STRN3: variants seen among roughly 807,000 people sequenced by gnomAD.
STRN3 encodes the protein striatin-3.
In STRN3, 29 loss-of-function variants were observed where a neutral mutation model predicts 95.6. The ratio of observed to expected loss-of-function variants is 0.30; its 90% CI spans 0.23 to 0.41. The LOEUF (loss-of-function observed/expected upper bound fraction) is 0.41, where lower values mean the gene tolerates loss of function less well. Among genes scored for constraint, STRN3 ranks in the 10% least tolerant of loss-of-function variants. The pLI, the probability that STRN3 is intolerant of heterozygous loss-of-function variation, is 1.00. For synonymous variants in STRN3, 331 were observed against 357.6 expected (o/e 0.93, Z 0.84); for missense variants, 890 against 972.1 (o/e 0.92, Z 1.12).
chr14:30,932,741 G>GAAATAATGCCATTCCAA (rs1354116073), intron 7 of STRN3, among the ~76,000 whole-genome samples: 1 of 152,086 alleles, frequency 6.6e-6, no homozygotes, highest in African/African-American at 2.4e-5. Flanking sequence ...TATTATCAAA[G>GAAATAATGCCATTCCAA]AAATAATGCC....
rs1387104946 is a variant in STRN3 at position 31,004,786 on chromosome 14, T to TC, written c.282+21117_282+21118insG. On this transcript the variant is annotated intron_variant, in intron 1 of 17. Transcript: ENST00000357479. Reference sequence around the variant, plus strand: ...GAAACTCCGTATTGAAAAAAAAAATTTTTTTTTTTTAAATCTTGGGGGAAA... The same window carrying TC: ...GAAACTCCGTATTGAAAAAAAAAATTCTTTTTTTTTTAAATCTTGGGGGAAA... 2.0e-5 allele frequency among the ~76,000 whole-genome samples: 3 copies of TC among 150,748 alleles called. No individual in the cohort carries two copies. The East Asian group carries it at 5.9e-4, about 29-fold the overall frequency.
chr14:31,002,714 T>C (rs978544661), intron 1 of STRN3, among the ~76,000 whole-genome samples: 2 of 151,372 alleles, frequency 1.3e-5, no homozygotes, highest in African/African-American at 4.8e-5. Context: ...GACACAATGC[T>C]AAGGGAAATA....
chr14:30,945,340 G>A (rs564095541), intron 5 of STRN3, among the ~76,000 whole-genome samples: 144 of 152,130 alleles, frequency 9.5e-4, no homozygotes, highest in African/African-American at 1.6e-3. Flanking sequence ...AATGAAGGCC[G>A]GGTGTGATGG....
At chr14:30,977,117 T>C (rs1005776991) in intron 1 of STRN3, among the ~76,000 whole-genome samples, 11 of 152,182 alleles carry the variant, frequency 7.2e-5, no homozygotes, top group Admixed American at 2.0e-4. Context: ...TCCCATCTAC[T>C]TGGGAGGCCG....
At chr14:30,907,137 A>G (rs1896483806) in intron 13 of STRN3, 93 bp from the exon 14 acceptor site, 4 of 1,399,228 alleles carry the variant, frequency 2.9e-6, no homozygotes, top group Non-Finnish European at 3.9e-6. Context: ...ACTGAGCATA[A>G]AGAACACACA....
chr14:30,911,295 C>A (rs1029862194), intron 12 of STRN3, 133 bp from the exon 13 acceptor site: 214 of 453,274 alleles, frequency 4.7e-4, no homozygotes, highest in Non-Finnish European at 6.8e-4. Context: ...CTGACTGGTA[C>A]TTTTTTTTTT....
intron 16 of STRN3, among the ~76,000 whole-genome samples, chr14:30,898,049 T>G (rs368887291): frequency 2.5e-4 from 38 of 152,296 alleles, no homozygotes; most frequent in African/African-American, 8.2e-4. Context: ...CAGAGTACAG[T>G]GGCACCATCA....
intron 1 of STRN3, among the ~76,000 whole-genome samples, chr14:30,963,130 C>A (rs1421412381): frequency 1.3e-5 from 2 of 152,170 alleles, no homozygotes; most frequent in Admixed American, 1.3e-4. Flanking sequence ...AACACACACA[C>A]ACCTAGTAAC....
intron 1 of STRN3, among the ~76,000 whole-genome samples, chr14:30,971,338 A>T (rs979329420): frequency 2.0e-5 from 3 of 152,244 alleles, no homozygotes; most frequent in Admixed American, 1.3e-4. Context: ...AGCCCCTTAT[A>T]GGTCTTTCAA....
At chr14:30,943,659 A>G (rs965886112) in intron 5 of STRN3, among the ~76,000 whole-genome samples, 1 of 152,232 alleles carries the variant, frequency 6.6e-6, no homozygotes, top group Non-Finnish European at 1.5e-5. Flanking sequence ...GTAAAGAAAT[A>G]AAGAAAATGC....
At chr14:30,970,426 C>T (rs1043858273) in intron 1 of STRN3, among the ~76,000 whole-genome samples, 3 of 152,158 alleles carry the variant, frequency 2.0e-5, no homozygotes, top group Non-Finnish European at 2.9e-5. Context: ...TTCCTAAAAC[C>T]ATACATTCAT....
intron 1 of STRN3, among the ~76,000 whole-genome samples, chr14:30,972,695 C>T (rs1328463500): frequency 6.6e-6 from 1 of 151,950 alleles, no homozygotes; most frequent in African/African-American, 2.4e-5. Flanking sequence ...GTAGTCCCAG[C>T]TACTTGGGAG....
intron 1 of STRN3, among the ~76,000 whole-genome samples, chr14:30,968,567 C>A (rs1594514480): frequency 2.0e-5 from 3 of 151,856 alleles, no homozygotes; most frequent in African/African-American, 7.2e-5. Context: ...GTAGCCCCAC[C>A]TACTCAGGAG....
chr14:30,981,567 G>A (rs1212398658), intron 1 of STRN3, among the ~76,000 whole-genome samples: 2 of 108,000 alleles, frequency 1.9e-5, no homozygotes, highest in Non-Finnish European at 3.9e-5. Context: ...TCACAAGGTA[G>A]CTTAGAATTC....
At chr14:30,991,814 T>C (rs975622389) in intron 1 of STRN3, among the ~76,000 whole-genome samples, 2 of 151,874 alleles carry the variant, frequency 1.3e-5, no homozygotes, top group African/African-American at 2.4e-5. Flanking sequence ...GAAAATGTCA[T>C]TAAAGGTTGG....
At chr14:30,979,181 C>A (rs1881265063) in intron 1 of STRN3, among the ~76,000 whole-genome samples, 1 of 151,800 alleles carries the variant, frequency 6.6e-6, no homozygotes, top group African/African-American at 2.4e-5. Flanking sequence ...TACCTTAGCA[C>A]CAAAAACCTT....
intron 1 of STRN3, among the ~76,000 whole-genome samples, chr14:30,985,335 G>A (rs1041812156): frequency 2.0e-5 from 3 of 150,860 alleles, no homozygotes; most frequent in African/African-American, 4.9e-5. Flanking sequence ...CAGGCGCGGT[G>A]GCTCACACCT....
At chr14:30,957,317 G>A (rs908076073) in intron 1 of STRN3, among the ~76,000 whole-genome samples, 1 of 151,882 alleles carries the variant, frequency 6.6e-6, no homozygotes, top group Non-Finnish European at 1.5e-5. Flanking sequence ...GCCAGGCGTA[G>A]TGGTGGGTGC....
chr14:30,896,303 T>C (rs1396642058), intron 16 of STRN3, among the ~76,000 whole-genome samples: 1 of 152,126 alleles, frequency 6.6e-6, no homozygotes, highest in Non-Finnish European at 1.5e-5. Flanking sequence ...GCAATGACAA[T>C]AGGATTGCAT....
Sources: allele counts gnomAD v4.1 joint callset (sites outside exome capture counted in the v4.1 genomes callset), GRCh38; gene constraint gnomAD v4.1.1; transcripts MANE v1.5; gene names NCBI Gene and HGNC (gene_info 2026-07-23, HGNC 2026-07-21).